Variants in ASAP1 observed in about 807,000 individuals in gnomAD.
The protein encoded by ASAP1 is ArfGAP with SH3 domain, ankyrin repeat and PH domain 1, also known as arf-GAP with SH3 domain, ANK repeat and PH domain-containing protein 1.
In ASAP1, 43 loss-of-function variants were observed where a neutral mutation model predicts 145.2. The ratio of observed to expected loss-of-function variants is 0.30; its 90% CI spans 0.23 to 0.38. The LOEUF is 0.38. Ranked by LOEUF, ASAP1 falls within the 10% of genes least tolerant of loss-of-function variation. The pLI is 1.00. For missense variants in ASAP1, 1,018 were observed against 1,355.3 expected (o/e 0.75, Z 3.91); for synonymous variants, 546 against 515.5 (o/e 1.06, Z -0.80).
chr8:130,057,924 C>G (rs112031709), intron 29 of ASAP1, 30 bp downstream of exon 29: 2 of 1,611,404 alleles, frequency 1.2e-6, no homozygotes, highest in Non-Finnish European at 1.7e-6. Flanking sequence ...TATGAATGTA[C>G]GGATGAAGTG....
chr8:130,342,268 C>G (rs1825433607), intron 3 of ASAP1, among the ~76,000 whole-genome samples: 1 of 152,160 alleles, frequency 6.6e-6, no homozygotes, highest in Admixed American at 6.5e-5. Flanking sequence ...CCAGCTTCCC[C>G]TGACTGCACA....
intron 3 of ASAP1, among the ~76,000 whole-genome samples, chr8:130,301,004 C>T (rs984926635): frequency 6.6e-6 from 1 of 152,128 alleles, no homozygotes; most frequent in Non-Finnish European, 1.5e-5. Context: ...AAAACCTAGG[C>T]TGACAAAGCC....
At chr8:130,064,932 T>TGTGTGTGC (rs2097427494) in intron 27 of ASAP1, among the ~76,000 whole-genome samples, 1 of 148,460 alleles carries the variant, frequency 6.7e-6, no homozygotes, top group African/African-American at 2.5e-5. Flanking sequence ...TGTGTGTGTG[T>TGTGTGTGC]GTAAGAATCA....
intron 4 of ASAP1, among the ~76,000 whole-genome samples, chr8:130,236,390 G>A (rs1818216893): frequency 6.6e-6 from 1 of 151,586 alleles, no homozygotes; most frequent in Non-Finnish European, 1.5e-5. Flanking sequence ...AGGTGACAAA[G>A]TCACTAGACA....
chr8:130,114,091 C>A (rs2097550939), intron 23 of ASAP1, among the ~76,000 whole-genome samples: 1 of 152,130 alleles, frequency 6.6e-6, no homozygotes, highest in South Asian at 2.1e-4. Context: ...TATGGACTTT[C>A]AATAAAGATG....
chr8:130,368,867 T>C (rs1045819253), intron 2 of ASAP1, among the ~76,000 whole-genome samples: 1 of 152,114 alleles, frequency 6.6e-6, no homozygotes, highest in African/African-American at 2.4e-5. Flanking sequence ...TTCCTAGTAA[T>C]GTGAGCAACT....
intron 4 of ASAP1, among the ~76,000 whole-genome samples, chr8:130,218,704 C>A (rs1242813153): frequency 6.6e-6 from 1 of 152,128 alleles, no homozygotes; most frequent in East Asian, 1.9e-4. Context: ...CCCACTAGTT[C>A]TGCAAGGGAA....
At chr8:130,132,902 C>T (rs2097585317) in intron 15 of ASAP1, among the ~76,000 whole-genome samples, 1 of 152,134 alleles carries the variant, frequency 6.6e-6, no homozygotes, top group Non-Finnish European at 1.5e-5. Context: ...GATCCTTTAT[C>T]ATTTCTCCTT....
chr8:130,133,650 G>A (rs969058920), intron 15 of ASAP1, among the ~76,000 whole-genome samples: 2 of 150,472 alleles, frequency 1.3e-5, no homozygotes, highest in Admixed American at 6.6e-5. Flanking sequence ...GCGACAGAGC[G>A]AGACTCCGTC....
chr8:130,398,748 A>G (rs1828645813), intron 2 of ASAP1, among the ~76,000 whole-genome samples: 1 of 152,204 alleles, frequency 6.6e-6, no homozygotes, highest in African/African-American at 2.4e-5. Context: ...AACAGGAGAG[A>G]ACAGGAAGAA....
chr8:130,136,504 C>A (rs2097595092), intron 14 of ASAP1, among the ~76,000 whole-genome samples: 1 of 151,334 alleles, frequency 6.6e-6, no homozygotes, highest in Non-Finnish European at 1.5e-5. Context: ...CATCTGCATT[C>A]CCAAGTCTAC....
chr8:130,345,172 T>C (rs1825633304), intron 3 of ASAP1, among the ~76,000 whole-genome samples: 1 of 152,206 alleles, frequency 6.6e-6, no homozygotes, highest in Admixed American at 6.5e-5. Context: ...GAATATATTA[T>C]AACAGAGCGC....
In ASAP1 at chr8:130,076,409, A is replaced by G. The variant is rs748771388; in HGVS notation, c.2643-3T>C. 2 of 1,605,228 alleles carry G rather than the reference A, an allele frequency of 1.2e-6. No individual in the cohort carries two copies. The highest frequency in any genetic ancestry group is 1.7e-4 in the Middle Eastern group (1 of 5,798). ...GGGCAGTCTTTGCAGAACTGGTGCT[A>G]ATCAACAAATAAGAATCATTTAGGA... On this transcript the variant is annotated splice_polypyrimidine_tract_variant and splice_region_variant and intron_variant, in intron 26 of 29. Transcript: ENST00000518721.
chr8:130,072,824 T>TGTGTGTGCACGCGCGCGC, intron 27 of ASAP1, among the ~76,000 whole-genome samples: 2 of 32,282 alleles, frequency 6.2e-5, no homozygotes, highest in Non-Finnish European at 1.1e-4. Flanking sequence ...TGTGTGTGTG[T>TGTGTGTGCACGCGCGCGC]GCGCGCGGGG....
chr8:130,411,970 A>T (rs554926460), intron 1 of ASAP1, among the ~76,000 whole-genome samples: 1 of 152,238 alleles, frequency 6.6e-6, no homozygotes, highest in South Asian at 2.1e-4. Context: ...TCTGCATGGA[A>T]AGGAGTTTAC....
chr8:130,417,250 A>G (rs2138679571), intron 1 of ASAP1, among the ~76,000 whole-genome samples: 1 of 152,298 alleles, frequency 6.6e-6, no homozygotes, highest in South Asian at 2.1e-4. Flanking sequence ...AGACAGATAT[A>G]CAACCCAAGT....
chr8:130,073,410 T>C (rs899273894), intron 27 of ASAP1, among the ~76,000 whole-genome samples: 1 of 146,098 alleles, frequency 6.8e-6, no homozygotes, highest in African/African-American at 2.6e-5. Flanking sequence ...AAAAAACAAA[T>C]ACAAATGTGG....
chr8:130,279,863 C>T (rs1002415831), intron 3 of ASAP1, among the ~76,000 whole-genome samples: 17 of 152,178 alleles, frequency 1.1e-4, no homozygotes, highest in African/African-American at 4.1e-4. Context: ...GAGCTATTTA[C>T]AACCTTTTGC....
In ASAP1 at chr8:130,300,153, C is replaced by CAGAGAGAGAGAGAGAGAGAGAGAGAGAG. The variant is rs369720584; in HGVS notation, c.186+57836_186+57863dup. ...ACACACACACACACACACACACACA[C>CAGAGAGAGAGAGAGAGAGAGAGAGAGAG]AGAGAGAGAGAGAGAGAGAGAGAGA... On this transcript the variant is annotated intron_variant, in intron 3 of 29. Coordinates refer to ENST00000518721, the MANE Select transcript of ASAP1 (RefSeq NM_018482.4). 6.5e-5 allele frequency among the ~76,000 whole-genome samples: 5 copies of CAGAGAGAGAGAGAGAGAGAGAGAGAGAG among 76,890 alleles called. 1 individual carries two copies. The highest frequency in any genetic ancestry group is 3.1e-4 in the Admixed American group (2 of 6,444). 50.4% of individuals were successfully genotyped at this position (76,890 alleles called of 152,430 possible).
Sources: allele counts gnomAD v4.1 joint callset (sites outside exome capture counted in the v4.1 genomes callset), GRCh38; gene constraint gnomAD v4.1.1; transcripts MANE v1.5; gene names NCBI Gene and HGNC (gene_info 2026-07-23, HGNC 2026-07-21).